The following PCDHA2 variants were observed in gnomAD, a reference collection of about 807,000 sequenced individuals.
PCDHA2 encodes protocadherin alpha-2.
In PCDHA2, 58 loss-of-function variants were observed where a neutral mutation model predicts 66.0. The ratio of observed to expected loss-of-function variants is 0.88; its 90% confidence interval spans 0.71 to 1.09. PCDHA2 has a LOEUF of 1.09. Ranked by LOEUF, PCDHA2 falls within the 50% of genes least tolerant of loss-of-function variation. The pLI is 0.00. For synonymous variants in PCDHA2, 634 were observed against 554.0 expected (o/e 1.14, Z -2.03); for missense variants, 1,267 against 1,242.3 (o/e 1.02, Z -0.30).
At chr5:140,930,712 A>T (rs1584689351) in intron 1 of PCDHA2, among the ~76,000 whole-genome samples, 1 of 152,234 alleles carries the variant, frequency 6.6e-6, no homozygotes, top group Non-Finnish European at 1.5e-5. Flanking sequence ...ATTCTTCCTC[A>T]AGTAATGATG....
chr5:140,990,990 A>G (rs1269528161), intron 3 of PCDHA2, among the ~76,000 whole-genome samples: 1 of 152,210 alleles, frequency 6.6e-6, no homozygotes, highest in East Asian at 1.9e-4. Flanking sequence ...GACAATAGCT[A>G]CCATTTATTG....
chr5:140,881,555 A>G (rs2058748140), intron 1 of PCDHA2, among the ~76,000 whole-genome samples: 2 of 152,236 alleles, frequency 1.3e-5, no homozygotes, highest in South Asian at 2.1e-4. Context: ...TTGAATATAA[A>G]TATCTTATCT....
At chr5:140,957,398 TTTA>T (rs2095356378) in intron 1 of PCDHA2, among the ~76,000 whole-genome samples, 1 of 152,304 alleles carries the variant, frequency 6.6e-6, no homozygotes, top group South Asian at 2.1e-4. Context: ...ATTGTCCTAA[TTTA>T]TTATTATTGT....
At chr5:140,818,724 G>C (rs1554127561) in intron 1 of PCDHA2, among the ~76,000 whole-genome samples, 1 of 152,190 alleles carries the variant, frequency 6.6e-6, no homozygotes, top group Non-Finnish European at 1.5e-5. Context: ...TGTGGTCCCA[G>C]CTACTTGGGA....
rs2150160577 is a variant in PCDHA2, at chr5:140,828,908, G to A, written c.2388+31556G>A. On this transcript the variant is annotated intron_variant, in intron 1 of 3. Coordinates refer to ENST00000526136, the MANE Select transcript of PCDHA2 (RefSeq NM_018905.3). Reference sequence around the variant, plus strand: ...GAATGCTTCTGATCGGGATGAAGGAGCGAATGGGGCAATTTCATATTCTTT... The same window carrying A: ...GAATGCTTCTGATCGGGATGAAGGAACGAATGGGGCAATTTCATATTCTTT... The A allele has an allele frequency of 4.2e-5, 67 of 1,614,134 alleles. 1 individual carries two copies. The South Asian group carries it at 6.7e-4, about 16-fold the overall frequency.
intron 1 of PCDHA2, chr5:140,929,236 A>C (rs782440521): frequency 3.1e-6 from 5 of 1,613,890 alleles, no homozygotes; most frequent in Non-Finnish European, 3.4e-6. Flanking sequence ...CGACCTGCGA[A>C]ATCTTGCCAC....
At chr5:140,919,498 C>A (rs1433099544) in intron 1 of PCDHA2, among the ~76,000 whole-genome samples, 1 of 152,022 alleles carries the variant, frequency 6.6e-6, no homozygotes, top group Non-Finnish European at 1.5e-5. Context: ...TTATTTTACT[C>A]CTTTTTCTAT....
At chr5:140,832,454 T>G (rs193078566) in intron 1 of PCDHA2, among the ~76,000 whole-genome samples, 1 of 152,214 alleles carries the variant, frequency 6.6e-6, no homozygotes, top group African/African-American at 2.4e-5. Flanking sequence ...TAATTAATAT[T>G]GCACTAAAAT....
chr5:140,949,639 T>C (rs1563239072), intron 1 of PCDHA2, among the ~76,000 whole-genome samples: 1 of 152,036 alleles, frequency 6.6e-6, no homozygotes, highest in East Asian at 1.9e-4. Flanking sequence ...ATATTGCTTT[T>C]TGTTCATTTT....
At chr5:140,860,712 GA>G (rs1321036052) in intron 1 of PCDHA2, 1 of 152,188 alleles carries the variant, frequency 6.6e-6, no homozygotes, top group African/African-American at 2.4e-5. Flanking sequence ...TGTTCTCCAT[GA>G]AAAGTTTTTT....
At chr5:140,847,557 T>A (rs1457582246) in intron 1 of PCDHA2, 2 of 149,266 alleles carry the variant, frequency 1.3e-5, no homozygotes, top group Non-Finnish European at 3.0e-5. Context: ...AAAACAGAAA[T>A]TGCCCCGAGT....
rs192014288 is a variant in PCDHA2, at chr5:140,938,120, T to A, written c.2389-40829T>A. Among the ~76,000 whole-genome samples the A allele has an allele frequency of 2.0e-3, 311 of 152,258 alleles. 6 individuals are homozygous for A. In the East Asian group the frequency reaches 0.05, roughly 25 times the overall value. ...GTATTTTTTACTTTCTCTCTTTTTT[T>A]AAAAAAATAGAGATAGAGTCTCACT... On this transcript the variant is annotated intron_variant, in intron 1 of 3. Transcript: ENST00000526136.
chr5:140,800,098 G>A (rs1249597216), intron 1 of PCDHA2, among the ~76,000 whole-genome samples: 2 of 152,118 alleles, frequency 1.3e-5, no homozygotes, highest in East Asian at 3.9e-4. Flanking sequence ...ATCAGGAGTG[G>A]AGATCATCAA....
intron 1 of PCDHA2, chr5:140,968,039 G>A (rs1016266543): frequency 1.7e-5 from 28 of 1,614,026 alleles, no homozygotes; most frequent in Non-Finnish European, 1.9e-5. Context: ...GGTGGTGAGC[G>A]GCCCACTGGA....
intron 3 of PCDHA2, among the ~76,000 whole-genome samples, chr5:140,991,053 A>G (rs2097429648): frequency 6.6e-6 from 1 of 152,220 alleles, no homozygotes; most frequent in Non-Finnish European, 1.5e-5. Context: ...TGAGAGAAGT[A>G]CATTATTATT....
intron 1 of PCDHA2, chr5:140,926,741 A>G (rs572260372): frequency 1.7e-6 from 2 of 1,192,504 alleles, no homozygotes; most frequent in South Asian, 2.4e-5. Flanking sequence ...GGGAGGCGCA[A>G]CGTCGGCGGT....
intron 1 of PCDHA2, chr5:140,875,618 C>T (rs1554167806): frequency 3.1e-6 from 5 of 1,613,806 alleles, no homozygotes; most frequent in Non-Finnish European, 3.4e-6. Context: ...GGCCGCATCG[C>T]TCAGGACCTG....
intron 1 of PCDHA2, chr5:140,847,563 C>T (rs1288728812): frequency 1.3e-5 from 2 of 148,928 alleles, no homozygotes; most frequent in African/African-American, 2.5e-5. Context: ...GAAATTGCCC[C>T]GAGTACTAAG....
At chr5:140,829,576 G>A (rs2150170458) in intron 1 of PCDHA2, 2 of 1,612,390 alleles carry the variant, frequency 1.2e-6, no homozygotes, top group Admixed American at 3.3e-5. Context: ...ACTCGCTGGT[G>A]GAGCGGCGGG....
Sources: allele counts gnomAD v4.1 joint callset (sites outside exome capture counted in the v4.1 genomes callset), GRCh38; gene constraint gnomAD v4.1.1; transcripts MANE v1.5; gene names NCBI Gene and HGNC (gene_info 2026-07-23, HGNC 2026-07-21).